Variants in BRD8 observed in about 807,000 individuals in gnomAD.
BRD8 encodes the protein bromodomain-containing protein 8.
Under a neutral mutation model 143.1 loss-of-function variants are expected in BRD8, and 67 were observed. The observed-to-expected ratio is 0.47, with a 90% CI of 0.38 to 0.57. BRD8 has a LOEUF of 0.57. Ranked by LOEUF, BRD8 falls within the 20% of genes least tolerant of loss-of-function variation. The pLI is 0.00. For missense variants in BRD8, 1,103 were observed against 1,503.0 expected (o/e 0.73, Z 4.40); for synonymous variants, 505 against 517.1 (o/e 0.98, Z 0.32).
At chr5:138,162,361 A>G (rs1489507309) in intron 15 of BRD8, among the ~76,000 whole-genome samples, 1 of 151,738 alleles carries the variant, frequency 6.6e-6, no homozygotes, top group African/African-American at 2.4e-5. Flanking sequence ...TGCCCAGCTA[A>G]TTTTTTAATT....
chr5:138,162,171 A>T, intron 15 of BRD8, 25 bp from the exon 16 acceptor site: 5 of 1,514,808 alleles, frequency 3.3e-6, no homozygotes, highest in Non-Finnish European at 4.5e-6. Flanking sequence ...CAGCAATTCC[A>T]CTAGGCACAA....
At chr5:138,162,902 G>A (rs1188160931) in intron 15 of BRD8, among the ~76,000 whole-genome samples, 1 of 152,032 alleles carries the variant, frequency 6.6e-6, no homozygotes, top group Non-Finnish European at 1.5e-5. Context: ...TAAGGAGGCT[G>A]AGGTGGAAGG....
Position 138,159,554 on chromosome 5 carries a change from C to A in BRD8, c.2577+1G>T, listed in dbSNP as rs1561606304. The A allele has an allele frequency of 6.2e-7, 1 of 1,613,850 alleles. No homozygotes were observed. The highest frequency in any genetic ancestry group is 8.5e-7 in the Non-Finnish European group (1 of 1,179,922). The stretch of plus-strand genomic sequence containing the variant: ...ACCCCTTGCAGCCATTCAATACTTA[C>A]AAAGAGAGAGAGAAGGAAGGCAGGA... On this transcript the variant is annotated splice_donor_variant, in intron 20 of 26. Transcript: ENST00000254900. LOFTEE classifies it high-confidence loss of function.
At chr5:138,157,886 C>T (rs1287079536) in intron 20 of BRD8, 1 of 152,326 alleles carries the variant, frequency 6.6e-6, no homozygotes, top group Non-Finnish European at 1.5e-5. Context: ...CTTGGGGGAT[C>T]CAGAGTCACT....
chr5:138,167,098 A>AT (rs1490106055), intron 9 of BRD8, among the ~76,000 whole-genome samples: 1 of 147,228 alleles, frequency 6.8e-6, no homozygotes, highest in African/African-American at 2.5e-5. Context: ...ATACAAAAAA[A>AT]AAAAAAAAAA....
intron 25 of BRD8, among the ~76,000 whole-genome samples, chr5:138,142,621 G>A (rs1391835039): frequency 6.6e-6 from 1 of 151,894 alleles, no homozygotes; most frequent in East Asian, 1.9e-4. Context: ...AAATTAGCTG[G>A]GCGTGGTGAC....
chr5:138,157,344 AT>A, intron 20 of BRD8: 1 of 1,588,668 alleles, frequency 6.3e-7, no homozygotes. Context: ...AAAGTTGGGG[AT>A]TTGGTTTCTT....
chr5:138,139,860 G>T lies in BRD8; in HGVS notation c.*214C>A. The T allele has an allele frequency of 1.9e-6, 1 of 532,898 alleles. No homozygotes were observed. Among genetic ancestry groups the T allele is most frequent in the South Asian group, 3.1e-5 (1 of 32,340 alleles). 33.0% of individuals were successfully genotyped at this position (532,898 alleles called of 1,614,324 possible). On this transcript the variant is annotated 3_prime_UTR_variant, in exon 27 of 27. Coordinates refer to ENST00000254900, the MANE Select transcript of BRD8 (RefSeq NM_139199.2). ...AATCAAGCCGATGGAACAAAGATGT[G>T]GGCAACATTTATGGCATAAATCCAA...
Position 138,145,194 on chromosome 5 carries a change from G to A in BRD8, c.3420C>T (p.Tyr1140=). Residue 1140 remains tyrosine, a synonymous_variant, in exon 25 of 27, where the codon TAC becomes TAT. Coordinates refer to ENST00000254900, the MANE Select transcript of BRD8 (RefSeq NM_139199.2). The part of the protein sequence containing the change: ...KPVSERQAPG[Y]KDVVKRPMDL... Reference sequence around the variant, plus strand: ...TCACTGACCTTTTCACCACATCCTTGTACCCTGGGGCCTGCCTTTCTGACA... The same window carrying A: ...TCACTGACCTTTTCACCACATCCTTATACCCTGGGGCCTGCCTTTCTGACA... The A allele has an allele frequency of 1.9e-6, 3 of 1,613,822 alleles. No homozygotes were observed. Among genetic ancestry groups the A allele is most frequent in the Non-Finnish European group, 8.5e-7 (1 of 1,179,938 alleles).
In BRD8 at chr5:138,154,416, G is replaced by A. The variant is rs111741760; in HGVS notation, c.2578-1656C>T. ...ATCACCTTCTCTACCAACTCAAAAC[G>A]TATGTCCTTTAATGGACCTTTTCCA... On this transcript the variant is annotated intron_variant, in intron 20 of 26. Transcript: ENST00000254900. 2.5e-4 allele frequency among the ~76,000 whole-genome samples: 38 copies of A among 152,158 alleles called. 1 individual carries two copies. The highest frequency in any genetic ancestry group is 7.7e-4 in the African/African-American group (32 of 41,508).
intron 12 of BRD8, 84 bp from the exon 13 acceptor site, chr5:138,164,497 C>A: frequency 7.2e-7 from 1 of 1,381,408 alleles, no homozygotes; most frequent in Non-Finnish European, 1.0e-6. Flanking sequence ...GATAATGAGA[C>A]CATAGAAGAA....
chr5:138,156,845 C>T (rs980681606), intron 20 of BRD8: 55 of 1,023,080 alleles, frequency 5.4e-5, no homozygotes, highest in Non-Finnish European at 6.2e-5. Flanking sequence ...CACACACACA[C>T]ACACACACAC....
rs1753829080 is a variant in BRD8, at chr5:138,171,087, G to A, written c.310C>T (p.Arg104Ter). The change falls in exon 5 of 27, where the codon CGA (arginine) becomes TGA (stop). Residue 104 changes from arginine to a stop codon, truncating the protein, a stop_gained. Coordinates refer to ENST00000254900, the MANE Select transcript of BRD8 (RefSeq NM_139199.2). LOFTEE classifies it high-confidence loss of function. ...ATCACTTTCTTTAGTTCTTCAACTC[G>A]CTCAGCAGTCAATTTCCGAACAATA... is the stretch of plus-strand genomic sequence containing the variant. ...DVIVRKLTAE[R>*]VEELKKVIKE... The A allele has an allele frequency of 4.3e-6, 7 of 1,612,956 alleles. No individual in the cohort carries two copies. Among genetic ancestry groups the A allele is most frequent in the Non-Finnish European group, 5.1e-6 (6 of 1,179,706 alleles).
At position 138,150,864 on chromosome 5, in the gene BRD8, A is replaced by G. The variant is rs1181439899; in HGVS notation, c.3001T>C (p.Ser1001Pro). 6.2e-7 allele frequency: 1 copy of G among 1,614,206 alleles called. No homozygotes were observed. The highest frequency in any genetic ancestry group is 1.7e-5 in the Admixed American group (1 of 60,020). Residue 1001 changes from serine to proline, a missense_variant, in exon 22 of 27, where the codon TCA becomes CCA. Physicochemically the swap from Ser to Pro is moderately conservative, Grantham distance 74. Coordinates refer to ENST00000254900, the MANE Select transcript of BRD8 (RefSeq NM_139199.2). Reference sequence around the variant, plus strand: ...GCTACTAAGGGGTCTCCTTTAGCTGAAAGCTCTTCAGTCTCTCTGCAGAGC... The same window carrying G: ...GCTACTAAGGGGTCTCCTTTAGCTGGAAGCTCTTCAGTCTCTCTGCAGAGC... ...RELCRETEEL[S>P]AKGDPLVAEK...
rs1231661135 is a variant in BRD8, at chr5:138,145,835, A to G, written c.3322T>C (p.Phe1108Leu). The G allele has an allele frequency of 6.2e-7, 1 of 1,614,002 alleles. No homozygotes were observed. Among genetic ancestry groups the G allele is most frequent in the Non-Finnish European group, 8.5e-7 (1 of 1,179,980 alleles). ...QDDPVQDHLL[F>L]KKTLLPVWKM... The stretch of plus-strand genomic sequence containing the variant: ...CAGACTGGCAGGAGAGTCTTCTTAA[A>G]TAGCAAATGATCCTGAACAGGGTCA... The change falls in exon 24 of 27, where the codon TTT (phenylalanine) becomes CTT (leucine). Residue 1108 changes from phenylalanine (F) to leucine (L), a missense_variant. By Grantham distance (22) the Phe-to-Leu change is conservative (BLOSUM62 0). This residue lies in a region of BRD8 where 369 missense variants were observed against 445.5 expected (regional missense o/e 0.83). Coordinates refer to ENST00000254900, the MANE Select transcript of BRD8 (RefSeq NM_139199.2).
intron 6 of BRD8, 154 bp from the exon 7 acceptor site, chr5:138,170,563 A>G (rs921643104): frequency 1.2e-6 from 1 of 854,762 alleles, no homozygotes; most frequent in Non-Finnish European, 2.0e-6. Context: ...GAATTGGGGT[A>G]TACTGCCTAA....
intron 23 of BRD8, among the ~76,000 whole-genome samples, chr5:138,147,299 A>AATATAT (rs4033080): frequency 1.4e-5 from 2 of 146,122 alleles, no homozygotes; most frequent in East Asian, 2.0e-4. Flanking sequence ...CTCTTCAAAA[A>AATATAT]ATATATATAT....
rs1359885757 is a variant in BRD8, at chr5:138,165,999, T to G, written c.1107A>C (p.Glu369Asp). Reference sequence around the variant, plus strand: ...CTGCTACCCCTGATCGAAAACACTCTTCTTTGATAGAATTGATGATCATGG... The same window carrying G: ...CTGCTACCCCTGATCGAAAACACTCGTCTTTGATAGAATTGATGATCATGG... ...EISMIINSIK[E>D]ECFRSGVAEA... Residue 369 changes from glutamate to aspartate, a missense_variant, in exon 11 of 27, where the codon GAA becomes GAC. Around this residue, in one of 7 missense-constraint regions of BRD8, gnomAD observed 334 missense variants for 372.5 expected, o/e 0.90. Transcript: ENST00000254900. The G allele has an allele frequency of 1.2e-6, 2 of 1,614,072 alleles. No individual in the cohort carries two copies. Among genetic ancestry groups the G allele is most frequent in the Admixed American group, 1.7e-5 (1 of 60,000 alleles).
In BRD8 at chr5:138,140,813, C is replaced by T; in HGVS notation, c.3507G>A (p.Leu1169=). Reference sequence around the variant, plus strand: ...TTTGGAACATCAGCATCAGGTCTCGCAGGAATTGGGCCATGGTGCGAATCC... The same window carrying T: ...TTTGGAACATCAGCATCAGGTCTCGTAGGAATTGGGCCATGGTGCGAATCC... ...KGRIRTMAQF[L]RDLMLMFQNA... is the part of the protein sequence containing the mutation. The change falls in exon 26 of 27, where the codon CTG becomes CTA. Residue 1169 remains leucine, a synonymous_variant. Coordinates refer to ENST00000254900, the MANE Select transcript of BRD8 (RefSeq NM_139199.2). The T allele has an allele frequency of 1.2e-6, 2 of 1,614,132 alleles. No individual in the cohort carries two copies. The highest frequency in any genetic ancestry group is 1.7e-6 in the Non-Finnish European group (2 of 1,180,034).
Sources: gnomAD v4.1 joint callset for allele counts (sites outside exome capture counted in the v4.1 genomes callset) on GRCh38, gnomAD v4.1.1 for gene constraint, gnomAD v4.1.1 regional missense constraint, MANE v1.5 for transcripts, NCBI Gene and HGNC (gene_info 2026-07-23, HGNC 2026-07-21) for gene names.